Variants in PICALM observed in about 807,000 individuals in gnomAD.
PICALM encodes the protein phosphatidylinositol-binding clathrin assembly protein.
A neutral mutation model predicts 80.5 loss-of-function variants in PICALM; 40 were observed. The ratio of observed to expected loss-of-function variants is 0.50; its 90% confidence interval spans 0.39 to 0.65. PICALM has a LOEUF of 0.65. Ranked by LOEUF, PICALM falls within the 30% of genes least tolerant of loss-of-function variation. The pLI, the probability that PICALM is intolerant of heterozygous loss-of-function variation, is 0.00. For synonymous variants in PICALM, 288 were observed against 260.3 expected, an observed-to-expected ratio of 1.11 and a Z score of -1.02; for missense variants, 676 against 778.9, an observed-to-expected ratio of 0.87 and a Z score of 1.57.
intron 1 of PICALM, among the ~76,000 whole-genome samples, chr11:86,043,564 A>C (rs1344871911): frequency 2.6e-5 from 4 of 152,196 alleles, no homozygotes; most frequent in Non-Finnish European, 5.9e-5. Context: ...AATAACACTC[A>C]TTCTTAACTT....
At chr11:86,048,242 T>C (rs552409761) in intron 1 of PICALM, among the ~76,000 whole-genome samples, 1 of 152,346 alleles carries the variant, frequency 6.6e-6, no homozygotes, top group Admixed American at 6.5e-5. Flanking sequence ...TGCAATTCTA[T>C]AGCTAATTTT....
At chr11:86,024,045 G>A (rs112224209) in intron 3 of PICALM, among the ~76,000 whole-genome samples, 8 of 152,136 alleles carry the variant, frequency 5.3e-5, no homozygotes, top group South Asian at 4.2e-4. Flanking sequence ...AGGGAGGACC[G>A]CTTGAGCCAG....
intron 1 of PICALM, among the ~76,000 whole-genome samples, chr11:86,041,436 A>T (rs2095965141): frequency 6.6e-6 from 1 of 152,190 alleles, no homozygotes; most frequent in African/African-American, 2.4e-5. Flanking sequence ...TCAAGAACGG[A>T]ACACAGAAGA....
At chr11:85,993,893 T>A (rs886607358) in intron 12 of PICALM, among the ~76,000 whole-genome samples, 3 of 151,908 alleles carry the variant, frequency 2.0e-5, no homozygotes, top group Non-Finnish European at 4.4e-5. Flanking sequence ...TTTTTTTTTT[T>A]AAACATGGTA....
intron 12 of PICALM, among the ~76,000 whole-genome samples, chr11:85,990,778 A>C (rs1020208704): frequency 6.6e-6 from 1 of 152,158 alleles, no homozygotes; most frequent in Admixed American, 6.5e-5. Context: ...TGATATTGAC[A>C]ATTGGTATGT....
intron 1 of PICALM, among the ~76,000 whole-genome samples, chr11:86,058,183 C>T (rs1158508287): frequency 6.6e-6 from 1 of 151,942 alleles, no homozygotes; most frequent in Non-Finnish European, 1.5e-5. Context: ...GCACACATTC[C>T]TATTTCTTAA....
intron 19 of PICALM, among the ~76,000 whole-genome samples, chr11:85,973,673 G>A (rs1228509240): frequency 1.3e-5 from 2 of 152,126 alleles, no homozygotes; most frequent in Non-Finnish European, 2.9e-5. Flanking sequence ...CGTGCACAGA[G>A]ACTAGATTCA....
At chr11:85,977,728 T>C (rs2094325368) in intron 17 of PICALM, among the ~76,000 whole-genome samples, 1 of 152,208 alleles carries the variant, frequency 6.6e-6, no homozygotes, top group Non-Finnish European at 1.5e-5. Context: ...GCCTGTAAGA[T>C]TTCATGCAGT....
At chr11:86,003,604 A>G in intron 8 of PICALM, 153 bp from the exon 9 acceptor site, 1 of 415,252 alleles carries the variant, frequency 2.4e-6, no homozygotes, top group Non-Finnish European at 4.2e-6. Context: ...TAAGAATGAC[A>G]ATCTTACTTT....
intron 19 of PICALM, among the ~76,000 whole-genome samples, chr11:85,969,473 T>C (rs767771580): frequency 1.3e-5 from 2 of 152,160 alleles, no homozygotes; most frequent in Non-Finnish European, 2.9e-5. Context: ...TACAAAGAGA[T>C]GGATGATCTC....
intron 4 of PICALM, among the ~76,000 whole-genome samples, chr11:86,019,543 T>G (rs2095533070): frequency 6.6e-6 from 1 of 152,164 alleles, no homozygotes; most frequent in African/African-American, 2.4e-5. Flanking sequence ...AATCTGTAAA[T>G]ACACTGAAGA....
intron 1 of PICALM, among the ~76,000 whole-genome samples, chr11:86,054,811 T>A (rs567803071): frequency 6.6e-6 from 1 of 152,252 alleles, no homozygotes; most frequent in Non-Finnish European, 1.5e-5. Flanking sequence ...GTTTCACTCT[T>A]GTTGCTCAGG....
At position 86,014,927 on chromosome 11, in the gene PICALM, T is replaced by A; in HGVS notation, c.489A>T (p.Lys163Asn). 1 of 1,594,096 alleles carries A rather than the reference T, an allele frequency of 6.3e-7. No individual in the cohort carries two copies. Among genetic ancestry groups the A allele is most frequent in the Non-Finnish European group, 8.6e-7 (1 of 1,167,974 alleles). Residue 163 changes from lysine (K) to asparagine (N), a missense_variant, in exon 5 of 20, where the codon AAA becomes AAT. Physicochemically the swap from Lys to Asn is moderately conservative, Grantham distance 94. Around this residue, in one of 2 missense-constraint regions of PICALM, gnomAD observed 285 missense variants for 395.4 expected, o/e 0.72. Coordinates refer to ENST00000393346, the MANE Select transcript of PICALM (RefSeq NM_007166.4). The stretch of plus-strand genomic sequence containing the variant: ...GAATAATTGGTACAGTTTTTAGGAG[T>A]TTTTCTGTGTTCATTGTTCTCATAA... ...DGVMRTMNTEKLLKTVPIIQN... is the reference protein window; with the variant it reads ...DGVMRTMNTENLLKTVPIIQN...
intron 19 of PICALM, among the ~76,000 whole-genome samples, chr11:85,960,208 G>GATCT (rs35527761): frequency 0.71 from 108,094 of 151,526 alleles, 39,094 homozygotes; most frequent in African/African-American, 0.86. Context: ...CCCATCCAAA[G>GATCT]ATTACTGAAG....
intron 2 of PICALM, among the ~76,000 whole-genome samples, chr11:86,028,685 C>A (rs987250880): frequency 1.3e-5 from 2 of 152,082 alleles, no homozygotes; most frequent in African/African-American, 4.8e-5. Flanking sequence ...TACCTACCTG[C>A]CTCATGTTAA....
At chr11:86,037,723 A>T (rs1455054880) in intron 1 of PICALM, among the ~76,000 whole-genome samples, 1 of 151,922 alleles carries the variant, frequency 6.6e-6, no homozygotes, top group Non-Finnish European at 1.5e-5. Flanking sequence ...TGTATGTGTA[A>T]TATTTTTTTG....
At chr11:85,987,122 T>A (rs2094596414) in intron 13 of PICALM, among the ~76,000 whole-genome samples, 1 of 152,242 alleles carries the variant, frequency 6.6e-6, no homozygotes, top group Admixed American at 6.5e-5. Flanking sequence ...TACTTTTTTG[T>A]CAAAGTAACT....
rs2094452762 is a variant in PICALM, at chr11:85,981,930, G to C, written c.1590C>G (p.Leu530=). 6.2e-7 allele frequency: 1 copy of C among 1,613,320 alleles called. No homozygotes were observed. Among genetic ancestry groups the C allele is most frequent in the Admixed American group, 1.7e-5 (1 of 60,008 alleles). ...CATCAGATACTAACTTGCTAGGTGG[G>C]AGTTTGGCAACAGGAAGGTTCTGGT... The part of the protein sequence containing the change: ...SQNQNLPVAK[L]PPSKLVSDDL... Residue 530 remains leucine (L), a synonymous_variant, in exon 15 of 20, where the codon CTC becomes CTG. Coordinates refer to ENST00000393346, the MANE Select transcript of PICALM (RefSeq NM_007166.4).
At chr11:86,040,709 G>A (rs995881565) in intron 1 of PICALM, among the ~76,000 whole-genome samples, 2 of 152,114 alleles carry the variant, frequency 1.3e-5, no homozygotes, top group Non-Finnish European at 2.9e-5. Flanking sequence ...AACAGTATAG[G>A]TGTATATATG....
Sources: gnomAD v4.1 joint callset for allele counts (sites outside exome capture counted in the v4.1 genomes callset) on GRCh38, gnomAD v4.1.1 for gene constraint, gnomAD v4.1.1 regional missense constraint, MANE v1.5 for transcripts, NCBI Gene and HGNC (gene_info 2026-07-23, HGNC 2026-07-21) for gene names.